The following ZMYM4 variants were observed in gnomAD, a reference collection of about 807,000 sequenced individuals.
ZMYM4 encodes the protein zinc finger MYM-type containing 4.
ZMYM4 carries 31 observed loss-of-function variants against 183.2 expected under a neutral mutation model. That is an observed-to-expected ratio of 0.17 (90% CI 0.13 to 0.23). The LOEUF is 0.23. ZMYM4 is among the 10% of genes least tolerant of loss of function. The probability of loss-of-function intolerance (pLI) is 1.00; values close to 1 mark genes in which losing one functional copy is unlikely to be tolerated. For synonymous variants in ZMYM4, 592 were observed against 631.2 expected, an observed-to-expected ratio of 0.94 and a Z score of 0.93; for missense variants, 1,273 against 1,840.3, an observed-to-expected ratio of 0.69 and a Z score of 5.64.
chr1:35,306,034 C>A (rs1641517223), intron 1 of ZMYM4, among the ~76,000 whole-genome samples: 1 of 151,998 alleles, frequency 6.6e-6, no homozygotes. Flanking sequence ...TGTGTTTATT[C>A]CTTTTAGACT....
intron 1 of ZMYM4, among the ~76,000 whole-genome samples, chr1:35,283,798 G>T (rs1640318677): frequency 1.3e-5 from 2 of 151,908 alleles, no homozygotes. Flanking sequence ...TAAGTCCTTT[G>T]TGCATGTTTT....
chr1:35,386,930 A>AT (rs1644590896), intron 11 of ZMYM4, 73 bp from the exon 12 acceptor site: 1 of 1,492,904 alleles, frequency 6.7e-7, no homozygotes, highest in Non-Finnish European at 9.0e-7. Flanking sequence ...GGTGCTTGGC[A>AT]TATGTAGGCA....
intron 7 of ZMYM4, among the ~76,000 whole-genome samples, chr1:35,379,650 T>C (rs1644409810): frequency 6.6e-6 from 1 of 152,258 alleles, no homozygotes; most frequent in African/African-American, 2.4e-5. Flanking sequence ...GAGGCCTAGC[T>C]TTCCACATGC....
chr1:35,418,606 A>C (rs1249625775), intron 29 of ZMYM4, 34 bp downstream of exon 29: 2 of 1,607,914 alleles, frequency 1.2e-6, no homozygotes, highest in Non-Finnish European at 1.7e-6. Context: ...TAGTGCACTC[A>C]GAAGGCAGTT....
chr1:35,342,109 C>A (rs899416637), intron 2 of ZMYM4, among the ~76,000 whole-genome samples: 1 of 152,004 alleles, frequency 6.6e-6, no homozygotes, highest in South Asian at 2.1e-4. Flanking sequence ...TTTTATATTT[C>A]ATCTTGTGTC....
At position 35,278,839 on chromosome 1, in the gene ZMYM4, G is replaced by A. The variant is rs560105839; in HGVS notation, c.39+9754G>A. 1.1e-4 allele frequency among the ~76,000 whole-genome samples: 16 copies of A among 152,288 alleles called. No individual in the cohort carries two copies. In the South Asian group the frequency reaches 3.1e-3, roughly 30 times the overall value. ...TATGGACTCGGCATGATTCATTTGG[G>A]ATAAAATTCTCCATCTGTGGACCTG... On this transcript the variant is annotated intron_variant, in intron 1 of 29. Transcript: ENST00000314607.
Position 35,387,280 on chromosome 1 carries a change from T to C in ZMYM4, c.2112+2T>C. ...AAACCAGAACTTCTTGACTATAAGG[T>C]AAAGTATAGCATGTTCATGATAAGA... On this transcript the variant is annotated splice_donor_variant, in intron 12 of 29. Transcript: ENST00000314607. LOFTEE classifies it high-confidence loss of function. The C allele has an allele frequency of 1.2e-6, 2 of 1,613,474 alleles. No individual in the cohort carries two copies. Among genetic ancestry groups the C allele is most frequent in the Non-Finnish European group, 1.7e-6 (2 of 1,179,462 alleles).
chr1:35,302,361 C>T (rs976950406), intron 1 of ZMYM4, among the ~76,000 whole-genome samples: 9 of 144,622 alleles, frequency 6.2e-5, no homozygotes, highest in South Asian at 2.2e-4. Context: ...CCTGTGCCAG[C>T]GGACTGGCTA....
intron 7 of ZMYM4, among the ~76,000 whole-genome samples, chr1:35,373,075 C>A (rs1187258022): frequency 6.6e-6 from 1 of 152,090 alleles, no homozygotes; most frequent in Non-Finnish European, 1.5e-5. Context: ...ACAAGAAACA[C>A]TTGACCCTGG....
intron 2 of ZMYM4, among the ~76,000 whole-genome samples, chr1:35,344,356 T>C (rs1354811566): frequency 6.6e-6 from 1 of 152,060 alleles, no homozygotes; most frequent in Non-Finnish European, 1.5e-5. Context: ...GCCCAGCCGC[T>C]AGGATGTTTA....
chr1:35,368,076 A>AT (rs917847457), intron 5 of ZMYM4, among the ~76,000 whole-genome samples: 6 of 9,464 alleles, frequency 6.3e-4, no homozygotes, highest in Admixed American at 8.9e-4. Flanking sequence ...CCCCCCACCC[A>AT]TTTTTTTTGT....
At position 35,371,116 on chromosome 1, in the gene ZMYM4, T is replaced by C. The variant is rs1257026398; in HGVS notation, c.1181+489T>C. Among the ~76,000 whole-genome samples, 12 of 150,020 alleles carry C rather than the reference T, an allele frequency of 8.0e-5. 2 individuals carry two copies. Among genetic ancestry groups the C allele is most frequent in the African/African-American group, 2.4e-4 (10 of 40,996 alleles). On this transcript the variant is annotated intron_variant, in intron 7 of 29. Transcript: ENST00000314607. ...GTGTGTGTGTGTGTGTGCGCACATT[T>C]ATTTATTTATTTATTTTGAGACGGA... is the stretch of plus-strand genomic sequence containing the variant.
chr1:35,367,726 C>T (rs559026127), intron 5 of ZMYM4, among the ~76,000 whole-genome samples: 11 of 152,122 alleles, frequency 7.2e-5, no homozygotes, highest in African/African-American at 2.4e-4. Context: ...CCTGTAATCC[C>T]AGCACTTTGG....
At chr1:35,290,805 G>A (rs950131019) in intron 1 of ZMYM4, among the ~76,000 whole-genome samples, 3 of 152,136 alleles carry the variant, frequency 2.0e-5, no homozygotes, top group African/African-American at 7.2e-5. Context: ...ATTGAATTGT[G>A]CAATTTAAAT....
At chr1:35,332,787 T>C (rs1033074477) in intron 2 of ZMYM4, among the ~76,000 whole-genome samples, 1 of 152,158 alleles carries the variant, frequency 6.6e-6, no homozygotes, top group Non-Finnish European at 1.5e-5. Context: ...CTCGAACTCC[T>C]GGGCTCAAGT....
At chr1:35,412,585 A>C (rs936385063) in intron 26 of ZMYM4, among the ~76,000 whole-genome samples, 2 of 152,130 alleles carry the variant, frequency 1.3e-5, no homozygotes, top group Non-Finnish European at 2.9e-5. Flanking sequence ...GGAATTTCTT[A>C]AAGATTGGAA....
chr1:35,327,587 A>G lies in ZMYM4; in HGVS notation c.85+2182A>G, dbSNP rs180910306. ...TTATTTGATATTGAGAGGTAACTATATCTCCTGATCTTCAGTGGATTTAGT... is the reference window on the plus strand; with the variant it reads ...TTATTTGATATTGAGAGGTAACTATGTCTCCTGATCTTCAGTGGATTTAGT... On this transcript the variant is annotated intron_variant, in intron 2 of 29. Coordinates refer to ENST00000314607, the MANE Select transcript of ZMYM4 (RefSeq NM_005095.3). Among the ~76,000 whole-genome samples, 45 of 152,344 alleles carry G rather than the reference A, an allele frequency of 3.0e-4. No individual in the cohort carries two copies. In the East Asian group the frequency reaches 7.7e-3, roughly 26 times the overall value.
rs181259144 is a variant in ZMYM4, at chr1:35,332,759, A to G, written c.85+7354A>G. ...TCACCCAGGCTGTAGTGTAGTGACT[A>G]TCATAATTCACTCTGACCTCGAACT... On this transcript the variant is annotated intron_variant, in intron 2 of 29. Transcript: ENST00000314607. Among the ~76,000 whole-genome samples, 19 of 152,210 alleles carry G rather than the reference A, an allele frequency of 1.2e-4. No individual in the cohort carries two copies. In the East Asian group the frequency reaches 3.7e-3, roughly 29 times the overall value.
intron 1 of ZMYM4, among the ~76,000 whole-genome samples, chr1:35,269,914 C>T (rs1366601849): frequency 1.3e-5 from 2 of 152,158 alleles, no homozygotes; most frequent in Admixed American, 1.3e-4. Flanking sequence ...TTCCTCCCCG[C>T]TTAGCATGAT....
Sources: gnomAD v4.1 joint callset for allele counts (sites outside exome capture counted in the v4.1 genomes callset) on GRCh38, gnomAD v4.1.1 for gene constraint, MANE v1.5 for transcripts, NCBI Gene and HGNC (gene_info 2026-07-23, HGNC 2026-07-21) for gene names.